The following BDP1 variants were observed in gnomAD, a reference collection of about 807,000 sequenced individuals.
BDP1 encodes the protein BDP1 general transcription factor IIIB subunit.
Under a neutral mutation model 266.6 loss-of-function variants are expected in BDP1, and 169 were observed. That is an observed-to-expected ratio of 0.63 (90% CI 0.56 to 0.72). The LOEUF (loss-of-function observed/expected upper bound fraction) is 0.72, where lower values mean the gene tolerates loss of function less well. Among genes scored for constraint, BDP1 ranks in the 30% least tolerant of loss-of-function variants. BDP1 has a pLI of 0.00. For missense variants in BDP1, 3,015 were observed against 3,053.8 expected (o/e 0.99, Z 0.30); for synonymous variants, 1,090 against 1,022.4 (o/e 1.07, Z -1.26).
chr5:71,483,223 C>G (rs942912764), intron 7 of BDP1, among the ~76,000 whole-genome samples: 1 of 152,124 alleles, frequency 6.6e-6, no homozygotes, highest in Non-Finnish European at 1.5e-5. Flanking sequence ...CGTGATCAGA[C>G]GTCTTCAGAC....
intron 33 of BDP1, 28 bp downstream of exon 33, chr5:71,548,773 C>A (rs1742518439): frequency 4.1e-6 from 6 of 1,466,416 alleles, no homozygotes; most frequent in Non-Finnish European, 4.7e-6. Flanking sequence ...AGTGACATGT[C>A]ATAGAACTTA....
At position 71,558,836 on chromosome 5, in the gene BDP1, A is replaced by C. The variant is rs542717709; in HGVS notation, c.7241-1146A>C. Among the ~76,000 whole-genome samples the C allele has an allele frequency of 7.2e-3, 1,079 of 149,958 alleles. 19 individuals are homozygous for C. Among genetic ancestry groups the C allele is most frequent in the African/African-American group, 0.023 (954 of 40,794 alleles). On this transcript the variant is annotated intron_variant, in intron 36 of 38. Coordinates refer to ENST00000358731, the MANE Select transcript of BDP1 (RefSeq NM_018429.3). ...AGCGAAACTCTGTCTCAAAAACAAA[A>C]AAAAAAAACAACAAAAAAACCCCAC...
At chr5:71,541,983 A>G in intron 29 of BDP1, 122 bp from the exon 30 acceptor site, 1 of 739,898 alleles carries the variant, frequency 1.4e-6, no homozygotes. Context: ...TTAAGAAATG[A>G]ACACTTGTAG....
chr5:71,555,817 T>C (rs1352097592), intron 35 of BDP1, among the ~76,000 whole-genome samples: 1 of 152,200 alleles, frequency 6.6e-6, no homozygotes, highest in Non-Finnish European at 1.5e-5. Context: ...AATTTTCTTC[T>C]TTTTTCAAGT....
chr5:71,571,674 G>T (rs468033), downstream of BDP1, among the ~76,000 whole-genome samples: 2 of 151,656 alleles, frequency 1.3e-5, no homozygotes, highest in African/African-American at 4.9e-5. Flanking sequence ...TGCTCTTGTT[G>T]CCCAGGCTGG....
chr5:71,464,211 T>A, intron 4 of BDP1, 94 bp downstream of exon 4: 1 of 796,294 alleles, frequency 1.3e-6, no homozygotes, highest in African/African-American at 1.8e-5. Context: ...TACATTTGAT[T>A]GGGGTTGGGC....
chr5:71,544,497 C>G lies in BDP1; in HGVS notation c.6553C>G (p.Leu2185Val). 1 of 1,610,696 alleles carries G rather than the reference C, an allele frequency of 6.2e-7. No homozygotes were observed. Among genetic ancestry groups the G allele is most frequent in the Non-Finnish European group, 8.5e-7 (1 of 1,178,980 alleles). ...GACCAGTATTTCTTCAGAAGTAAAC[C>G]TAACTGAAAGGTAAAAGAGTGAAGA... is the stretch of plus-strand genomic sequence containing the variant. Reference protein sequence around the residue: ...KGTSISSEVNLTERNENQEES... With the variant: ...KGTSISSEVNVTERNENQEES... Residue 2185 changes from leucine (L) to valine (V), a missense_variant, in exon 31 of 39, where the codon CTA (leucine) becomes GTA (valine). Physicochemically the swap from Leu to Val is conservative, Grantham distance 32 (BLOSUM62 1). Around this residue, in one of 3 missense-constraint regions of BDP1, gnomAD observed 629 missense variants for 632.5 expected, o/e 0.99. Transcript: ENST00000358731.
rs1324469638 is a variant in BDP1, at chr5:71,497,377, A to G, written c.1907A>G (p.Lys636Arg). Residue 636 changes from lysine to arginine, a missense_variant, in exon 13 of 39, where the codon AAA (lysine) becomes AGA (arginine). Transcript: ENST00000358731. ...AGKKSVLSQG[K>R]TESESKNSHS... ...AAGAAATCAGTTCTTTCACAAGGCA[A>G]AACAGAGTCAGAGAGCAAGAATTCA... 6.2e-7 allele frequency: 1 copy of G among 1,613,718 alleles called. No individual in the cohort carries two copies.
At chr5:71,563,348 A>T (rs1388729542) in intron 38 of BDP1, among the ~76,000 whole-genome samples, 2 of 152,128 alleles carry the variant, frequency 1.3e-5, no homozygotes, top group African/African-American at 2.4e-5. Context: ...GGATTTCGCC[A>T]TGTGGGCCAT....
intron 9 of BDP1, 56 bp downstream of exon 9, chr5:71,486,683 A>T (rs926000942): frequency 1.8e-5 from 25 of 1,390,672 alleles, no homozygotes; most frequent in Non-Finnish European, 2.4e-5. Flanking sequence ...AACTTGCAAT[A>T]TTGTCCCTCA....
rs1345966696 is a variant in BDP1, at chr5:71,539,059, A to T, written c.5910A>T (p.Glu1970Asp). The change falls in exon 27 of 39, where the codon GAA becomes GAT. Residue 1970 changes from glutamate to aspartate, a missense_variant. By Grantham distance (45) the Glu-to-Asp change is conservative (BLOSUM62 2). Coordinates refer to ENST00000358731, the MANE Select transcript of BDP1 (RefSeq NM_018429.3). ...CTTTTTAGGAAATGACCACAAGTGA[A>T]CATATCCAAGATGAACCAGGTAACT... The part of the protein sequence containing the change: ...LSVPFEMTTS[E>D]HIQDEPGTND... 8 of 1,604,210 alleles carry T rather than the reference A, an allele frequency of 5.0e-6. No individual in the cohort carries two copies. The highest frequency in any genetic ancestry group is 6.8e-6 in the Non-Finnish European group (8 of 1,173,606).
rs766861585 is a variant in BDP1, at chr5:71,509,850, G to C, written c.2758G>C (p.Asp920His). 1 of 1,614,126 alleles carries C rather than the reference G, an allele frequency of 6.2e-7. No homozygotes were observed. The highest frequency in any genetic ancestry group is 8.5e-7 in the Non-Finnish European group (1 of 1,180,000). ...AAGGGAGAAGACGCCAGAGGTGATT[G>C]ATGCCACTGAGGAAATAGACAAAGA... ...CLREKTPEVIDATEEIDKDLE... is the reference protein window; with the variant it reads ...CLREKTPEVIHATEEIDKDLE... Residue 920 changes from aspartate (D) to histidine (H), a missense_variant, in exon 17 of 39, where the codon GAT (aspartate) becomes CAT (histidine). Physicochemically the swap from Asp to His is moderately conservative, Grantham distance 81. Transcript: ENST00000358731.
rs545622244 is a variant in BDP1 at position 71,494,945 on chromosome 5, G to T, written c.1641-305G>T. 8.9e-4 allele frequency: 156 copies of T among 175,858 alleles called. 2 individuals are homozygous for T. The highest frequency in any genetic ancestry group is 3.0e-3 in the African/African-American group (126 of 42,430). 10.9% of individuals were successfully genotyped at this position (175,858 alleles called of 1,614,324 possible). A position where few individuals can be genotyped will look rare whatever the true frequency, so the allele number is the denominator to read the frequency against. ...ACTCCTGGCCTCAAGTGATCTGCCCGCCCTGGCTTCCCAAAGTGCTGGGAT... is the reference window on the plus strand; with the variant it reads ...ACTCCTGGCCTCAAGTGATCTGCCCTCCCTGGCTTCCCAAAGTGCTGGGAT... On this transcript the variant is annotated intron_variant, in intron 11 of 38. Coordinates refer to ENST00000358731, the MANE Select transcript of BDP1 (RefSeq NM_018429.3).
intron 12 of BDP1, among the ~76,000 whole-genome samples, chr5:71,496,676 G>A (rs1298511734): frequency 2.6e-5 from 4 of 152,238 alleles, no homozygotes; most frequent in Admixed American, 1.3e-4. Flanking sequence ...CCCGCCTCCC[G>A]GGTTCAAGGG....
intron 4 of BDP1, among the ~76,000 whole-genome samples, chr5:71,465,379 A>G (rs1192889054): frequency 6.6e-6 from 1 of 152,102 alleles, no homozygotes; most frequent in Non-Finnish European, 1.5e-5. Context: ...CTCCTGCCTC[A>G]GTCTCCTGAG....
Position 71,509,708 on chromosome 5 carries a change from A to G in BDP1, c.2616A>G (p.Ser872=). Residue 872 remains serine, a synonymous_variant, in exon 17 of 39, where the codon TCA becomes TCG. Coordinates refer to ENST00000358731, the MANE Select transcript of BDP1 (RefSeq NM_018429.3). ...PAEINTKEMQ[S]DLKETGRRAI... ...AGATTAATACTAAAGAAATGCAGTC[A>G]GATTTAAAAGAAACTGGAAGAAGAG... is the stretch of plus-strand genomic sequence containing the variant. 6.2e-7 allele frequency: 1 copy of G among 1,613,960 alleles called. No homozygotes were observed. The highest frequency in any genetic ancestry group is 8.5e-7 in the Non-Finnish European group (1 of 1,179,992).
chr5:71,462,083 T>C (rs1293136716), intron 3 of BDP1, among the ~76,000 whole-genome samples, 157 bp downstream of exon 3: 3 of 150,822 alleles, frequency 2.0e-5, no homozygotes, highest in African/African-American at 7.3e-5. Flanking sequence ...CTGCCTCAGA[T>C]TCGCGGGTAG....
chr5:71,553,220 G>C lies in BDP1; in HGVS notation c.7100G>C (p.Arg2367Thr). ...CCTGATAATTTGGATCTTGTATCTAGGAAGAGATTTCAATGCAGGCTTGAT... is the reference window on the plus strand; with the variant it reads ...CCTGATAATTTGGATCTTGTATCTACGAAGAGATTTCAATGCAGGCTTGAT... ...KPPDNLDLVS[R>T]KRFQCRLDKN... Residue 2367 changes from arginine to threonine, a missense_variant, in exon 35 of 39, where the codon AGG becomes ACG. Arg to Thr is a moderately conservative substitution (Grantham distance 71). This residue lies in a region of BDP1 where 629 missense variants were observed against 632.5 expected (regional missense o/e 0.99). Transcript: ENST00000358731. The C allele has an allele frequency of 6.2e-7, 1 of 1,613,322 alleles. No homozygotes were observed. The highest frequency in any genetic ancestry group is 8.5e-7 in the Non-Finnish European group (1 of 1,179,904).
At chr5:71,546,768 C>T (rs1242733243) in intron 32 of BDP1, among the ~76,000 whole-genome samples, 1 of 151,872 alleles carries the variant, frequency 6.6e-6, no homozygotes, top group Non-Finnish European at 1.5e-5. Context: ...AGTATTACTA[C>T]ACTATTTAAC....
Sources: gnomAD v4.1 joint callset for allele counts (sites outside exome capture counted in the v4.1 genomes callset) on GRCh38, gnomAD v4.1.1 for gene constraint, gnomAD v4.1.1 regional missense constraint, MANE v1.5 for transcripts, NCBI Gene and HGNC (gene_info 2026-07-23, HGNC 2026-07-21) for gene names.